The following PAK1 variants were observed in gnomAD, a reference collection of about 807,000 sequenced individuals.
The protein encoded by PAK1 is serine/threonine-protein kinase PAK 1.
In PAK1, 29 loss-of-function variants were observed where a neutral mutation model predicts 67.4. The ratio of observed to expected loss-of-function variants is 0.43; its 90% CI spans 0.32 to 0.59. The LOEUF (loss-of-function observed/expected upper bound fraction) is 0.59, where lower values mean the gene tolerates loss of function less well. PAK1 is among the 20% of genes least tolerant of loss of function. PAK1 has a pLI of 0.07. For synonymous variants in PAK1, 223 were observed against 237.4 expected, an observed-to-expected ratio of 0.94 and a Z score of 0.56; for missense variants, 337 against 670.7, an observed-to-expected ratio of 0.50 and a Z score of 5.50.
intron 2 of PAK1, among the ~76,000 whole-genome samples, chr11:77,381,164 TGTGTGTGTGTGTAG>T (rs903386764): frequency 3.6e-5 from 5 of 139,378 alleles, no homozygotes; most frequent in African/African-American, 1.1e-4. Context: ...TGTGTGTGTG[TGTGTGTGTGTGTAG>T]AGAGAGAGAG....
At chr11:77,385,803 A>G (rs1457409210) in intron 2 of PAK1, among the ~76,000 whole-genome samples, 1 of 152,190 alleles carries the variant, frequency 6.6e-6, no homozygotes, top group Non-Finnish European at 1.5e-5. Context: ...GGTTGCAGTG[A>G]GCTGAGATCG....
the PAK1 span, among the ~76,000 whole-genome samples, chr11:77,493,633 C>T: frequency 9.9e-5 from 15 of 151,412 alleles, no homozygotes; most frequent in Non-Finnish European, 1.8e-4. Flanking sequence ...ATGAGTTATC[C>T]TGAAAAGAAG....
the PAK1 span, among the ~76,000 whole-genome samples, chr11:77,484,552 C>A: frequency 6.6e-6 from 1 of 152,172 alleles, no homozygotes; most frequent in African/African-American, 2.4e-5. Flanking sequence ...CAATTAGAAG[C>A]ACTCATGGGT....
the PAK1 span, among the ~76,000 whole-genome samples, chr11:77,492,708 C>T: frequency 6.6e-6 from 1 of 151,936 alleles, no homozygotes; most frequent in Non-Finnish European, 1.5e-5. Flanking sequence ...TTGTAATTCC[C>T]AGTGTTGGAG....
At chr11:77,357,159 T>C (rs543095871) in intron 6 of PAK1, among the ~76,000 whole-genome samples, 3 of 152,294 alleles carry the variant, frequency 2.0e-5, no homozygotes, top group African/African-American at 7.2e-5. Context: ...TCTATGATGA[T>C]CATTTATCTG....
At chr11:77,441,870 G>A (rs1956370025) in intron 1 of PAK1, among the ~76,000 whole-genome samples, 1 of 152,156 alleles carries the variant, frequency 6.6e-6, no homozygotes, top group South Asian at 2.1e-4. Context: ...GACCTGCAAG[G>A]ACCAAATCAC....
chr11:77,524,202 T>C, the PAK1 span, among the ~76,000 whole-genome samples: 1 of 152,232 alleles, frequency 6.6e-6, no homozygotes, highest in African/African-American at 2.4e-5. Context: ...GATCCATTAA[T>C]GTTCTAATTG....
rs538675385 is a variant in PAK1, at chr11:77,389,985, G to A, written c.190+2346C>T. On this transcript the variant is annotated intron_variant, in intron 2 of 14. Transcript: ENST00000356341. ...CACTTGGGCTGAAAGCCTATTTATA[G>A]AGATCAAGAACACTGGTTGATAAGA... is the stretch of plus-strand genomic sequence containing the variant. 1.2e-4 allele frequency among the ~76,000 whole-genome samples: 19 copies of A among 152,324 alleles called. No individual in the cohort carries two copies. In the South Asian group the frequency reaches 2.9e-3, roughly 23 times the overall value.
intron 9 of PAK1, among the ~76,000 whole-genome samples, chr11:77,346,197 C>T (rs1444515898): frequency 6.6e-6 from 1 of 152,182 alleles, no homozygotes; most frequent in Admixed American, 6.5e-5. Flanking sequence ...TGGTCTCGAA[C>T]TCCTGATCTC....
the PAK1 span, among the ~76,000 whole-genome samples, chr11:77,506,906 T>C: frequency 1.3e-5 from 2 of 148,392 alleles, no homozygotes; most frequent in South Asian, 4.2e-4. Flanking sequence ...TGAGAAAGAC[T>C]GAGTTTTGAG....
At chr11:77,523,168 C>G in the PAK1 span, among the ~76,000 whole-genome samples, 17 of 152,170 alleles carry the variant, frequency 1.1e-4, no homozygotes, top group African/African-American at 2.4e-4. Context: ...CAAACCTCAG[C>G]ATCACGCAAT....
At chr11:77,361,316 T>C (rs1946752325) in intron 5 of PAK1, among the ~76,000 whole-genome samples, 1 of 152,186 alleles carries the variant, frequency 6.6e-6, no homozygotes, top group Non-Finnish European at 1.5e-5. Context: ...AGGATATTCC[T>C]AGCAGATGGA....
At chr11:77,347,954 T>A (rs1944688039) in intron 9 of PAK1, among the ~76,000 whole-genome samples, 1 of 150,296 alleles carries the variant, frequency 6.7e-6, no homozygotes, top group African/African-American at 2.4e-5. Context: ...TAAAGGCTTA[T>A]AAGCATCTAG....
chr11:77,343,977 T>C (rs115235521), intron 9 of PAK1, 46 bp from the exon 10 acceptor site: 21 of 1,255,818 alleles, frequency 1.7e-5, no homozygotes, highest in Middle Eastern at 1.9e-4. Flanking sequence ...TCATTCCCAT[T>C]TATTGAGCAC....
intron 1 of PAK1, among the ~76,000 whole-genome samples, chr11:77,412,287 G>A (rs973159654): frequency 6.6e-6 from 1 of 152,018 alleles, no homozygotes; most frequent in Non-Finnish European, 1.5e-5. Flanking sequence ...TCAGACCTAC[G>A]ATTCAGATTA....
At chr11:77,490,097 G>C in the PAK1 span, among the ~76,000 whole-genome samples, 1 of 150,908 alleles carries the variant, frequency 6.6e-6, no homozygotes, top group Non-Finnish European at 1.5e-5. Flanking sequence ...GCCTCTGCCC[G>C]GCCGCGACCC....
At chr11:77,482,269 G>T in the PAK1 span, among the ~76,000 whole-genome samples, 1 of 78,058 alleles carries the variant, frequency 1.3e-5, no homozygotes, top group African/African-American at 3.3e-5. Context: ...GATTACTGGC[G>T]TGAGCCACCA....
chr11:77,498,257 T>A, the PAK1 span, among the ~76,000 whole-genome samples: 23 of 152,366 alleles, frequency 1.5e-4, no homozygotes, highest in African/African-American at 5.5e-4. Context: ...GTGGAAACTT[T>A]CTGAACTATC....
chr11:77,369,801 G>C (rs188684499), intron 5 of PAK1, among the ~76,000 whole-genome samples: 10 of 151,982 alleles, frequency 6.6e-5, no homozygotes, highest in Non-Finnish European at 1.2e-4. Context: ...TCCTCTGATT[G>C]CTCTAATAGC....
Sources: gnomAD v4.1 joint callset for allele counts (sites outside exome capture counted in the v4.1 genomes callset) on GRCh38, gnomAD v4.1.1 for gene constraint, MANE v1.5 for transcripts, NCBI Gene and HGNC (gene_info 2026-07-23, HGNC 2026-07-21) for gene names.